ABCA12: variants seen among roughly 807,000 people sequenced by gnomAD.
ABCA12 encodes the protein ATP binding cassette subfamily A member 12.
Under a neutral mutation model 293.5 loss-of-function variants are expected in ABCA12, and 156 were observed. The ratio of observed to expected loss-of-function variants is 0.53; its 90% confidence interval spans 0.47 to 0.61. The LOEUF (loss-of-function observed/expected upper bound fraction) is 0.61, where lower values mean the gene tolerates loss of function less well. Among genes scored for constraint, ABCA12 ranks in the 20% least tolerant of loss-of-function variants. The pLI, the probability that ABCA12 is intolerant of heterozygous loss-of-function variation, is 0.00. For synonymous variants in ABCA12, 1,063 were observed against 1,108.0 expected, an observed-to-expected ratio of 0.96 and a Z score of 0.81; for missense variants, 2,797 against 3,090.2, an observed-to-expected ratio of 0.91 and a Z score of 2.25.
chr2:215,129,041 G>A (rs184600825), intron 1 of ABCA12, among the ~76,000 whole-genome samples: 436 of 152,290 alleles, frequency 2.9e-3, no homozygotes, highest in African/African-American at 0.01. Context: ...CTTCCTGTGA[G>A]CCAAGAGCAG....
chr2:215,083,445 G>T (rs1458549839), intron 2 of ABCA12, among the ~76,000 whole-genome samples: 1 of 152,154 alleles, frequency 6.6e-6, no homozygotes, highest in African/African-American at 2.4e-5. Flanking sequence ...TGGGAGACAA[G>T]GAGAAAAGCC....
At position 214,980,588 on chromosome 2, in the gene ABCA12, G is replaced by A; in HGVS notation, c.4635C>T (p.Asp1545=). ...HHLDEAEVLS[D]RIAFLEQGGL... is the part of the protein sequence containing the mutation. Reference sequence around the variant, plus strand: ...CACCCTGCTCCAGGAAGGCGATGCGGTCACTCAGCACTTCAGCCTCGTCCA... The same window carrying A: ...CACCCTGCTCCAGGAAGGCGATGCGATCACTCAGCACTTCAGCCTCGTCCA... Residue 1545 remains aspartate (D), a synonymous_variant, in exon 31 of 53, where the codon GAC becomes GAT. Transcript: ENST00000272895. The A allele has an allele frequency of 6.2e-7, 1 of 1,614,058 alleles. No homozygotes were observed. Among genetic ancestry groups the A allele is most frequent in the Non-Finnish European group, 8.5e-7 (1 of 1,179,988 alleles).
intron 2 of ABCA12, among the ~76,000 whole-genome samples, chr2:215,102,459 C>T (rs549621247): frequency 3.2e-4 from 49 of 152,178 alleles, no homozygotes; most frequent in African/African-American, 1.2e-3. Flanking sequence ...ATTAGCTGGG[C>T]ATGATGGCGC....
intron 6 of ABCA12, among the ~76,000 whole-genome samples, chr2:215,049,305 A>T (rs1329512869): frequency 6.6e-6 from 1 of 152,222 alleles, no homozygotes; most frequent in African/African-American, 2.4e-5. Context: ...CTTGTATCAC[A>T]GCCTGAGTAA....
intron 23 of ABCA12, among the ~76,000 whole-genome samples, chr2:214,991,868 C>A (rs1014484501): frequency 1.3e-5 from 2 of 152,024 alleles, no homozygotes; most frequent in East Asian, 3.9e-4. Context: ...GAACATCACA[C>A]ACCAGGGCCT....
chr2:214,980,587 G>T lies in ABCA12; in HGVS notation c.4636C>A (p.Arg1546Ser), dbSNP rs13401480. 6.2e-7 allele frequency: 1 copy of T among 1,613,870 alleles called. No individual in the cohort carries two copies. ...HLDEAEVLSD[R>S]IAFLEQGGLR... ...CCACCCTGCTCCAGGAAGGCGATGC[G>T]GTCACTCAGCACTTCAGCCTCGTCC... Residue 1546 changes from arginine (R) to serine (S), a missense_variant, in exon 31 of 53, where the codon CGC (arginine) becomes AGC (serine). Physicochemically the swap from Arg to Ser is moderately radical, Grantham distance 110. Around this residue, in one of 3 missense-constraint regions of ABCA12, gnomAD observed 2,130 missense variants for 2,427.0 expected, o/e 0.88. Coordinates refer to ENST00000272895, the MANE Select transcript of ABCA12 (RefSeq NM_173076.3).
chr2:215,078,165 G>C (rs1410005077), intron 2 of ABCA12, among the ~76,000 whole-genome samples: 1 of 152,204 alleles, frequency 6.6e-6, no homozygotes, highest in Non-Finnish European at 1.5e-5. Context: ...GCTCTTGAAA[G>C]ATATTCTCAC....
intron 2 of ABCA12, among the ~76,000 whole-genome samples, chr2:215,102,865 A>C (rs545005961): frequency 6.6e-6 from 1 of 152,216 alleles, no homozygotes; most frequent in Non-Finnish European, 1.5e-5. Context: ...CTAAGGAAAA[A>C]GAAAAGTTGG....
chr2:214,939,480 GTTT>G (rs1463862112), intron 50 of ABCA12, among the ~76,000 whole-genome samples: 1 of 152,234 alleles, frequency 6.6e-6, no homozygotes, highest in East Asian at 1.9e-4. Flanking sequence ...ATTTAAAGTA[GTTT>G]TTTCTAATTC....
chr2:214,971,529 A>T (rs1699384990), intron 36 of ABCA12, among the ~76,000 whole-genome samples: 1 of 152,118 alleles, frequency 6.6e-6, no homozygotes, highest in African/African-American at 2.4e-5. Flanking sequence ...ATCACTCCCA[A>T]AGTAACAGAC....
Position 214,932,152 on chromosome 2 carries a change from A to G in ABCA12, c.*482T>C, listed in dbSNP as rs1331213429. 1.5e-5 allele frequency: 3 copies of G among 203,068 alleles called. No homozygotes were observed. The highest frequency in any genetic ancestry group is 3.0e-5 in the Non-Finnish European group (3 of 99,460). The allele number at this position is 203,068 out of a possible 1,614,324, so 12.6% of individuals were successfully genotyped here. A position where few individuals can be genotyped will look rare whatever the true frequency, so the allele number is the denominator to read the frequency against. Reference sequence around the variant, plus strand: ...TGCAAACGTTCATTTGGCCCTTAGCAGTTCACACATCACAGCCGATTCATG... The same window carrying G: ...TGCAAACGTTCATTTGGCCCTTAGCGGTTCACACATCACAGCCGATTCATG... On this transcript the variant is annotated 3_prime_UTR_variant, in exon 53 of 53. Transcript: ENST00000272895.
chr2:215,119,574 A>C (rs1702757880), intron 1 of ABCA12, among the ~76,000 whole-genome samples: 2 of 151,902 alleles, frequency 1.3e-5, no homozygotes, highest in South Asian at 4.2e-4. Flanking sequence ...CCTATCCCCC[A>C]TTGCTTGGTT....
chr2:215,022,454 T>G (rs1700651325), intron 11 of ABCA12: 1 of 152,220 alleles, frequency 6.6e-6, no homozygotes, highest in African/African-American at 2.4e-5. Context: ...ACTTACTGCT[T>G]TATTCTGAGA....
intron 1 of ABCA12, among the ~76,000 whole-genome samples, chr2:215,116,286 T>C (rs1048054077): frequency 6.6e-6 from 1 of 152,262 alleles, no homozygotes; most frequent in Admixed American, 6.5e-5. Flanking sequence ...TAGCTTCTTT[T>C]AGTAGACAAC....
chr2:214,957,462 A>C lies in ABCA12; in HGVS notation c.6118-684T>G, dbSNP rs554238821. ...GACCTTCACAGAAGTATGTACTTGAAATTTTCTTAACATTAAAGCTCCTGT... is the reference window on the plus strand; with the variant it reads ...GACCTTCACAGAAGTATGTACTTGACATTTTCTTAACATTAAAGCTCCTGT... On this transcript the variant is annotated intron_variant, in intron 41 of 52. Transcript: ENST00000272895. 4.6e-5 allele frequency among the ~76,000 whole-genome samples: 7 copies of C among 152,312 alleles called. No individual in the cohort carries two copies. In the East Asian group the frequency reaches 1.3e-3, roughly 29 times the overall value.
chr2:215,016,605 A>AAAAAAAAAAAAAAAAG (rs1553534171), intron 14 of ABCA12, among the ~76,000 whole-genome samples: 5 of 139,186 alleles, frequency 3.6e-5, no homozygotes, highest in Non-Finnish European at 6.2e-5. Flanking sequence ...AAAAAAAAAA[A>AAAAAAAAAAAAAAAAG]AAAAAAAAAG....
intron 1 of ABCA12, among the ~76,000 whole-genome samples, chr2:215,120,012 C>T (rs1397211161): frequency 6.6e-6 from 1 of 152,128 alleles, no homozygotes; most frequent in Non-Finnish European, 1.5e-5. Flanking sequence ...GGAAATCAAC[C>T]TATGTGTCCA....
intron 7 of ABCA12, among the ~76,000 whole-genome samples, chr2:215,038,667 C>T (rs940812272): frequency 4.6e-5 from 7 of 152,236 alleles, no homozygotes; most frequent in Admixed American, 4.6e-4. Context: ...ATCAGTTAGA[C>T]TGTCTCAGGG....
chr2:215,135,244 C>G (rs1281492226), intron 1 of ABCA12, among the ~76,000 whole-genome samples: 2 of 152,354 alleles, frequency 1.3e-5, no homozygotes, highest in East Asian at 3.9e-4. Flanking sequence ...CAGGCATGAG[C>G]CACTGCGCCC....
Sources: allele counts gnomAD v4.1 joint callset (sites outside exome capture counted in the v4.1 genomes callset), GRCh38; gene constraint gnomAD v4.1.1; regional missense constraint gnomAD v4.1.1; transcripts MANE v1.5; gene names NCBI Gene and HGNC (gene_info 2026-07-23, HGNC 2026-07-21).